The following TMEM39A variants were observed in gnomAD, a reference collection of about 807,000 sequenced individuals.
TMEM39A encodes the protein suppressor of SQST-1 aggregates in rpl-43 mutants.
Under a neutral mutation model 51.9 loss-of-function variants are expected in TMEM39A, and 19 were observed. The observed-to-expected ratio is 0.37, with a 90% confidence interval of 0.26 to 0.54. TMEM39A has a LOEUF of 0.54. Ranked by LOEUF, TMEM39A falls within the 20% of genes least tolerant of loss-of-function variation. The pLI, the probability that TMEM39A is intolerant of heterozygous loss-of-function variation, is 0.88. For missense variants in TMEM39A, 433 were observed against 590.5 expected (o/e 0.73, Z 2.76); for synonymous variants, 197 against 220.2 (o/e 0.89, Z 0.93).
chr3:119,452,659 A>T (rs2081215769), intron 3 of TMEM39A, 129 bp from the exon 4 acceptor site: 1 of 640,294 alleles, frequency 1.6e-6, no homozygotes, highest in East Asian at 3.0e-5. Context: ...GATTATGGGA[A>T]TATGAGAGAT....
At chr3:119,462,807 C>T (rs112328832) in intron 1 of TMEM39A, among the ~76,000 whole-genome samples, 14 of 151,262 alleles carry the variant, frequency 9.3e-5, no homozygotes, top group South Asian at 8.4e-4. Context: ...AGGGGATGCC[C>T]GCTCCAGAAA....
In TMEM39A at chr3:119,432,098, G is replaced by A; in HGVS notation, c.1350C>T (p.Ser450=). ...AGTTGCAGAAGAGGATGAGAGCCAT[G>A]GAAAGTGTGTGGTTCCACTTCTCCG... is the stretch of plus-strand genomic sequence containing the variant. ...LRSEKWNHTL[S]MALILFCNYY... The change falls in exon 9 of 9, where the codon TCC becomes TCT. Residue 450 remains serine (S), a synonymous_variant. Coordinates refer to ENST00000319172, the MANE Select transcript of TMEM39A (RefSeq NM_018266.3). 1.2e-6 allele frequency: 2 copies of A among 1,613,296 alleles called. No individual in the cohort carries two copies. The highest frequency in any genetic ancestry group is 1.7e-6 in the Non-Finnish European group (2 of 1,179,474).
intron 5 of TMEM39A, among the ~76,000 whole-genome samples, chr3:119,444,642 A>C (rs2081098841): frequency 6.6e-6 from 1 of 152,222 alleles, no homozygotes. Context: ...AATAATATAA[A>C]GCAGTAATTC....
chr3:119,434,578 A>C (rs2080943829), intron 8 of TMEM39A, among the ~76,000 whole-genome samples, 184 bp downstream of exon 8: 1 of 152,200 alleles, frequency 6.6e-6, no homozygotes, highest in Non-Finnish European at 1.5e-5. Context: ...ACAGTATATG[A>C]TCTTCAAACT....
chr3:119,433,443 T>C (rs577738030), intron 8 of TMEM39A, among the ~76,000 whole-genome samples: 1 of 152,244 alleles, frequency 6.6e-6, no homozygotes, highest in South Asian at 2.1e-4. Flanking sequence ...CATGGATCAC[T>C]TGGAGAAGCA....
At chr3:119,461,834 G>T in intron 2 of TMEM39A, 128 bp downstream of exon 2, 1 of 723,518 alleles carries the variant, frequency 1.4e-6, no homozygotes, top group Non-Finnish European at 2.1e-6. Context: ...GTCTTGAAGG[G>T]CAGGATTTCT....
At chr3:119,442,769 T>C (rs1466877035) in intron 5 of TMEM39A, among the ~76,000 whole-genome samples, 3 of 152,002 alleles carry the variant, frequency 2.0e-5, no homozygotes. Context: ...GAATTAGAAG[T>C]GGAGCCTGGA....
chr3:119,443,999 C>T (rs1230889486), intron 5 of TMEM39A, among the ~76,000 whole-genome samples: 1 of 152,180 alleles, frequency 6.6e-6, no homozygotes, highest in African/African-American at 2.4e-5. Context: ...ATTGACATGA[C>T]TCGTTTATTG....
At chr3:119,455,925 G>A (rs1051097643) in intron 3 of TMEM39A, among the ~76,000 whole-genome samples, 3 of 152,144 alleles carry the variant, frequency 2.0e-5, no homozygotes, top group African/African-American at 7.2e-5. Flanking sequence ...CTGGACTTGG[G>A]CACTCACTAT....
intron 4 of TMEM39A, among the ~76,000 whole-genome samples, chr3:119,450,639 T>C (rs2081185420): frequency 6.6e-6 from 1 of 151,910 alleles, no homozygotes; most frequent in Admixed American, 6.6e-5. Context: ...CTGGCCAACA[T>C]AGTGAAACCC....
chr3:119,450,268 T>G (rs114586615), intron 4 of TMEM39A, among the ~76,000 whole-genome samples: 211 of 152,320 alleles, frequency 1.4e-3, no homozygotes, highest in African/African-American at 4.9e-3. Flanking sequence ...TGGAAACAAT[T>G]TATTCATATA....
chr3:119,447,410 G>A (rs575113769), intron 4 of TMEM39A, among the ~76,000 whole-genome samples: 14 of 152,084 alleles, frequency 9.2e-5, no homozygotes, highest in Non-Finnish European at 1.8e-4. Context: ...ACTCTTTTAA[G>A]GTCTTTTTAT....
chr3:119,451,139 T>C, intron 4 of TMEM39A: 2 of 723,930 alleles, frequency 2.8e-6, no homozygotes, highest in South Asian at 6.9e-5. Context: ...TTCCATCCTC[T>C]AAATAAAAAC....
intron 8 of TMEM39A, among the ~76,000 whole-genome samples, chr3:119,433,544 G>T (rs542747426): frequency 6.6e-6 from 1 of 152,210 alleles, no homozygotes; most frequent in South Asian, 2.1e-4. Context: ...TTTTTCAGCT[G>T]TCCAAAGCTA....
chr3:119,447,053 G>C lies in TMEM39A; in HGVS notation c.540C>G (p.Ser180Arg). 6.2e-7 allele frequency: 1 copy of C among 1,614,134 alleles called. No individual in the cohort carries two copies. Among genetic ancestry groups the C allele is most frequent in the South Asian group, 1.1e-5 (1 of 91,080 alleles). Residue 180 changes from serine (S) to arginine (R), a missense_variant, in exon 5 of 9, where the codon AGC becomes AGG. Transcript: ENST00000319172. ...GGAAAAGGAGATTGAGGACTGAATG[G>C]CTTCGAAAGAGATTGACGAGGGTCC... ...LCWTLVNLFR[S>R]HSVLNLLFLG... is the part of the protein sequence containing the mutation.
intron 5 of TMEM39A, among the ~76,000 whole-genome samples, chr3:119,444,646 G>A (rs2081098918): frequency 6.6e-6 from 1 of 152,142 alleles, no homozygotes; most frequent in Non-Finnish European, 1.5e-5. Flanking sequence ...ATATAAAGCA[G>A]TAATTCTCAA....
intron 4 of TMEM39A, chr3:119,451,214 C>T (rs1048776543): frequency 1.6e-6 from 2 of 1,271,720 alleles, no homozygotes; most frequent in African/African-American, 1.5e-5. Context: ...ACTACCTGTG[C>T]TTTTTGGTTA....
rs1249128171 is a variant in TMEM39A, at chr3:119,437,931, C to G, written c.748G>C (p.Glu250Gln). ...FLSLLLESLK[E>Q]QFNNATPIPT... is the part of the protein sequence containing the mutation. ...ATGGGTGTGGCATTATTAAACTGTT[C>G]TTTTAGCGACTCCAGCAACAAGGAG... is the stretch of plus-strand genomic sequence containing the variant. Residue 250 changes from glutamate to glutamine, a missense_variant, in exon 6 of 9, where the codon GAA becomes CAA. Coordinates refer to ENST00000319172, the MANE Select transcript of TMEM39A (RefSeq NM_018266.3). 3.1e-6 allele frequency: 5 copies of G among 1,614,046 alleles called. No individual in the cohort carries two copies. The Admixed American group carries it at 5.0e-5, about 16-fold the overall frequency.
rs1172100463 is a variant in TMEM39A, at chr3:119,434,849, C to CA, written c.1145dup (p.Leu383AlafsTer10). On this transcript the variant is annotated frameshift_variant, in exon 8 of 9. Transcript: ENST00000319172. LOFTEE classifies it high-confidence loss of function. Reference sequence around the variant, plus strand: ...ATAAACATCTGCTGTGCCGCACCAGCACCCCTTGAGGCCATATTGTATTTT... The same window carrying CA: ...ATAAACATCTGCTGTGCCGCACCAGCAACCCCTTGAGGCCATATTGTATTTT... 1 of 1,613,748 alleles carries CA rather than the reference C, an allele frequency of 6.2e-7. No homozygotes were observed. The highest frequency in any genetic ancestry group is 8.5e-7 in the Non-Finnish European group (1 of 1,179,708).
Sources: gnomAD v4.1 joint callset for allele counts (sites outside exome capture counted in the v4.1 genomes callset) on GRCh38, gnomAD v4.1.1 for gene constraint, MANE v1.5 for transcripts, NCBI Gene and HGNC (gene_info 2026-07-23, HGNC 2026-07-21) for gene names.